The following TKFC variants were observed in gnomAD, a reference collection of about 807,000 sequenced individuals.
TKFC encodes the protein triokinase/FMN cyclase.
TKFC carries 46 observed loss-of-function variants against 61.0 expected under a neutral mutation model. That is an observed-to-expected ratio of 0.75 (90% CI 0.60 to 0.96). TKFC has a LOEUF of 0.96. Among genes scored for constraint, TKFC ranks in the 50% least tolerant of loss-of-function variants. The pLI is 0.00. For synonymous variants in TKFC, 314 were observed against 330.1 expected, an observed-to-expected ratio of 0.95 and a Z score of 0.53; for missense variants, 715 against 777.5, an observed-to-expected ratio of 0.92 and a Z score of 0.96.
rs759902588 is a variant in TKFC, at chr11:61,344,023, A to G, written c.1102+48A>G. The G allele has an allele frequency of 8.1e-6, 13 of 1,603,382 alleles. No individual in the cohort carries two copies. In the Admixed American group the frequency reaches 2.2e-4, roughly 27 times the overall value. On this transcript the variant is annotated intron_variant, in intron 12 of 17. Transcript: ENST00000394900. ...AAGGGACAGGCTTCCCAAAGGATGC[A>G]GGAGTATACGGTGGGGCGGGTAGGG...
At chr11:61,335,595 C>T (rs1856572964) in intron 2 of TKFC, among the ~76,000 whole-genome samples, 1 of 152,194 alleles carries the variant, frequency 6.6e-6, no homozygotes, top group Admixed American at 6.5e-5. Flanking sequence ...TCTAGGGCAA[C>T]CTCTGTCACC....
In TKFC at chr11:61,348,522, T is replaced by G. The variant is rs1341259877; in HGVS notation, c.*2019T>G. The G allele has an allele frequency of 1.0e-6, 1 of 983,610 alleles. No homozygotes were observed. The highest frequency in any genetic ancestry group is 1.1e-4 in the East Asian group (1 of 8,812). 60.9% of individuals were successfully genotyped at this position (983,610 alleles called of 1,614,324 possible). The stretch of plus-strand genomic sequence containing the variant: ...TGTTTGTGTCCCCCCCAAATTCCTG[T>G]GTTGAAAGGCTCACCCCCACTATGG... On this transcript the variant is annotated 3_prime_UTR_variant, in exon 18 of 18. Coordinates refer to ENST00000394900, the MANE Select transcript of TKFC (RefSeq NM_015533.4).
rs1856689354 is a variant in TKFC at position 61,338,082 on chromosome 11, G to A, written c.145G>A (p.Val49Met). 1 of 1,610,066 alleles carries A rather than the reference G, an allele frequency of 6.2e-7. No homozygotes were observed. Among genetic ancestry groups the A allele is most frequent in the African/African-American group, 1.3e-5 (1 of 74,970 alleles). The change falls in exon 3 of 18, where the codon GTG becomes ATG. Residue 49 changes from valine (V) to methionine (M), a missense_variant. Transcript: ENST00000394900. ...TGACCTGGACAGCCTCAAGGGCCGG[G>A]TGGCACTGCTGTCGGGTGGGGGCTC... is the stretch of plus-strand genomic sequence containing the variant. Reference protein sequence around the residue: ...RSDLDSLKGRVALLSGGGSGH... With the variant: ...RSDLDSLKGRMALLSGGGSGH...
chr11:61,346,519 C>T lies in TKFC; in HGVS notation c.*16C>T. Reference sequence around the variant, plus strand: ...GCAGAGCTAGGGTGTGTGACTGCCTCCCTTGGCCTCAGCTCCTCTCACTGC... The same window carrying T: ...GCAGAGCTAGGGTGTGTGACTGCCTTCCTTGGCCTCAGCTCCTCTCACTGC... On this transcript the variant is annotated 3_prime_UTR_variant, in exon 18 of 18. Coordinates refer to ENST00000394900, the MANE Select transcript of TKFC (RefSeq NM_015533.4). This position sits in a 1 kb window ranked among gnomAD's most constrained non-coding sequence, Gnocchi z 4.1. The T allele has an allele frequency of 6.3e-7, 1 of 1,582,314 alleles. No individual in the cohort carries two copies. The highest frequency in any genetic ancestry group is 8.6e-7 in the Non-Finnish European group (1 of 1,163,528).
chr11:61,336,241 C>G (rs1856602487), intron 2 of TKFC: 1 of 154,542 alleles, frequency 6.5e-6, no homozygotes, highest in South Asian at 2.0e-4. Flanking sequence ...TAGCCCTGGC[C>G]CTGGCTGGAT....
Position 61,343,472 on chromosome 11 carries a change from C to A in TKFC, c.982+14C>A, listed in dbSNP as rs1204446718. 1 of 1,610,146 alleles carries A rather than the reference C, an allele frequency of 6.2e-7. No individual in the cohort carries two copies. Among genetic ancestry groups the A allele is most frequent in the African/African-American group, 1.3e-5 (1 of 74,844 alleles). ...TGAAACTGATAGGTGAGACTTGGAACCTGGGGTCACCCAAGCCAGGGCTCC... is the reference window on the plus strand; with the variant it reads ...TGAAACTGATAGGTGAGACTTGGAAACTGGGGTCACCCAAGCCAGGGCTCC... On this transcript the variant is annotated intron_variant, in intron 11 of 17. Transcript: ENST00000394900.
chr11:61,343,016 TG>T (rs1856939238), intron 10 of TKFC, 172 bp downstream of exon 10: 3 of 667,132 alleles, frequency 4.5e-6, no homozygotes, highest in Non-Finnish European at 7.6e-6. Context: ...GTCTGCAAAT[TG>T]GGGGTAATAA....
Position 61,347,207 on chromosome 11 carries a change from G to GAA in TKFC, c.*707_*708dup, listed in dbSNP as rs1419637151. On this transcript the variant is annotated 3_prime_UTR_variant, in exon 18 of 18. Coordinates refer to ENST00000394900, the MANE Select transcript of TKFC (RefSeq NM_015533.4). ...GAATGGGCATTTGGGACACCAGAAG[G>GAA]AAAAGAAATCATCATAGTCTAAGGT... is the stretch of plus-strand genomic sequence containing the variant. The GAA allele has an allele frequency of 1.8e-4, 179 of 985,416 alleles. No homozygotes were observed. The African/African-American group carries it at 2.8e-3, about 15-fold the overall frequency. 61.0% of individuals were successfully genotyped at this position (985,416 alleles called of 1,614,324 possible).
At chr11:61,339,928 C>T (rs1856785935) in intron 5 of TKFC, among the ~76,000 whole-genome samples, 1 of 152,220 alleles carries the variant, frequency 6.6e-6, no homozygotes, top group South Asian at 2.1e-4. Flanking sequence ...TACAAGCCCT[C>T]ACCATAGCTC....
chr11:61,350,365 C>T, downstream of TKFC: 1 of 1,604,216 alleles, frequency 6.2e-7, no homozygotes, highest in Non-Finnish European at 8.5e-7. Context: ...CAGGCTGCAC[C>T]ACCAGGAGCT....
Position 61,339,327 on chromosome 11 carries a change from G to C in TKFC, c.378G>C (p.Arg126=), listed in dbSNP as rs532277913. The change falls in exon 5 of 18, where the codon CGG becomes CGC. Residue 126 remains arginine (R), a synonymous_variant. Transcript: ENST00000394900. ...TCGGCCTGGCCCGGGAGCAGGCCCGGGCTGAAGGCATCCCGGTGGAGATGG... is the reference window on the plus strand; with the variant it reads ...TCGGCCTGGCCCGGGAGCAGGCCCGCGCTGAAGGCATCCCGGTGGAGATGG... The part of the protein sequence containing the change: ...LNFGLAREQA[R]AEGIPVEMVV... The C allele has an allele frequency of 6.2e-7, 1 of 1,613,922 alleles. No individual in the cohort carries two copies. Among genetic ancestry groups the C allele is most frequent in the Admixed American group, 1.7e-5 (1 of 60,030 alleles).
chr11:61,343,926 G>C lies in TKFC; in HGVS notation c.1053G>C (p.Arg351=), dbSNP rs1355860806. 15 of 1,611,074 alleles carry C rather than the reference G, an allele frequency of 9.3e-6. No individual in the cohort carries two copies. Among genetic ancestry groups the C allele is most frequent in the African/African-American group, 1.3e-5 (1 of 74,926 alleles). ...AVSITGRKRS[R]VAPAEPQEAP... The stretch of plus-strand genomic sequence containing the variant: ...CCATTACTGGGCGGAAGCGGAGCCG[G>C]GTAGCCCCTGCCGAGCCCCAGGAGG... The change falls in exon 12 of 18, where the codon CGG becomes CGC. Residue 351 remains arginine (R), a synonymous_variant. Coordinates refer to ENST00000394900, the MANE Select transcript of TKFC (RefSeq NM_015533.4).
At position 61,334,744 on chromosome 11, in the gene TKFC, G is replaced by T. The variant is rs559689936; in HGVS notation, c.3+13G>T. The stretch of plus-strand genomic sequence containing the variant: ...CCTCCACACCATGGTGAGTCATACA[G>T]GGCCGGGACGGGAATGGCAGCATGG... On this transcript the variant is annotated intron_variant, in intron 2 of 17. Coordinates refer to ENST00000394900, the MANE Select transcript of TKFC (RefSeq NM_015533.4). 59 of 1,614,056 alleles carry T rather than the reference G, an allele frequency of 3.7e-5. No individual in the cohort carries two copies. In the East Asian group the frequency reaches 1.0e-3, roughly 29 times the overall value.
chr11:61,343,409 C>G lies in TKFC; in HGVS notation c.933C>G (p.Gly311=). The part of the protein sequence containing the change: ...GTFMSALEMP[G]ISLTLLLVDE... ...TCATGTCAGCACTGGAGATGCCTGG[C>G]ATTTCTCTCACCCTCCTGCTGGTGG... Residue 311 remains glycine (G), a synonymous_variant, in exon 11 of 18, where the codon GGC becomes GGG. Coordinates refer to ENST00000394900, the MANE Select transcript of TKFC (RefSeq NM_015533.4). 1 of 1,614,200 alleles carries G rather than the reference C, an allele frequency of 6.2e-7. No homozygotes were observed. The highest frequency in any genetic ancestry group is 8.5e-7 in the Non-Finnish European group (1 of 1,180,028).
At chr11:61,338,184 G>T in intron 3 of TKFC, 54 bp downstream of exon 3, 1 of 1,470,404 alleles carries the variant, frequency 6.8e-7, no homozygotes, top group South Asian at 1.4e-5. Context: ...AGGGCCTCCT[G>T]GGGGATCCTT....
intron 11 of TKFC, 145 bp downstream of exon 11, chr11:61,343,603 C>G (rs1211583066): frequency 1.1e-6 from 1 of 881,690 alleles, no homozygotes; most frequent in African/African-American, 1.7e-5. Context: ...CTTCTCCAGC[C>G]TTCTCCAGCT....
downstream of TKFC, chr11:61,350,288 T>C (rs1260910034): frequency 4.1e-5 from 58 of 1,397,774 alleles, no homozygotes; most frequent in South Asian, 2.2e-4. Flanking sequence ...GGGCCCAGCA[T>C]TGGAAGAAAG....
In TKFC at chr11:61,347,934, T is replaced by TC. The variant is rs1266839357; in HGVS notation, c.*1434dup. The stretch of plus-strand genomic sequence containing the variant: ...TCACAGGGGTTGGGCCCCCAGCCCC[T>TC]CCCAGGTCATCTGCTCTACCACTAG... On this transcript the variant is annotated 3_prime_UTR_variant, in exon 18 of 18. Transcript: ENST00000394900. The TC allele has an allele frequency of 7.1e-6, 7 of 985,168 alleles. No homozygotes were observed. In the Admixed American group the frequency reaches 4.3e-4, roughly 61 times the overall value. 61.0% of individuals were successfully genotyped at this position (985,168 alleles called of 1,614,324 possible). A position where few individuals can be genotyped will look rare whatever the true frequency, so the allele number is the denominator to read the frequency against.
rs1427358256 is a variant in TKFC at position 61,341,950 on chromosome 11, C to G, written c.655+38C>G. 4 of 1,587,216 alleles carry G rather than the reference C, an allele frequency of 2.5e-6. No homozygotes were observed. In the Admixed American group the frequency reaches 6.8e-5, roughly 27 times the overall value. ...CCATCCATCCCAGCCCTGCCTGCTC[C>G]TTGGCCCTGGACTTTGCCCACCTTG... is the stretch of plus-strand genomic sequence containing the variant. On this transcript the variant is annotated intron_variant, in intron 7 of 17. Transcript: ENST00000394900.
Sources: allele counts gnomAD v4.1 joint callset (sites outside exome capture counted in the v4.1 genomes callset), GRCh38; gene constraint gnomAD v4.1.1; non-coding constraint Gnocchi (gnomAD v3.1); transcripts MANE v1.5; gene names NCBI Gene and HGNC (gene_info 2026-07-23, HGNC 2026-07-21).